Variants in ARFGEF1 observed in about 807,000 individuals in gnomAD.
ARFGEF1 encodes the protein brefeldin A-inhibited guanine nucleotide-exchange protein 1.
ARFGEF1 carries 42 observed loss-of-function variants against 231.0 expected under a neutral mutation model. The ratio of observed to expected loss-of-function variants is 0.18; its 90% confidence interval spans 0.14 to 0.24. The LOEUF (loss-of-function observed/expected upper bound fraction) is 0.24. Ranked by LOEUF, ARFGEF1 falls within the 10% of genes least tolerant of loss-of-function variation. The pLI is 1.00. For missense variants in ARFGEF1, 1,345 were observed against 2,192.0 expected (o/e 0.61, Z 7.72); for synonymous variants, 710 against 732.3 (o/e 0.97, Z 0.49).
chr8:67,317,096 A>G (rs1172303404), intron 1 of ARFGEF1, among the ~76,000 whole-genome samples: 1 of 152,226 alleles, frequency 6.6e-6, no homozygotes, highest in East Asian at 1.9e-4. Context: ...AGTGATACAC[A>G]TCAATGAGCT....
At chr8:67,343,042 G>A in intron 1 of ARFGEF1, 122 bp downstream of exon 1, 1 of 1,168,738 alleles carries the variant, frequency 8.6e-7, no homozygotes, top group Admixed American at 2.5e-5. Flanking sequence ...GGCTCCGCGA[G>A]GGCTTCCCGA....
chr8:67,208,435 G>C (rs531770219), intron 34 of ARFGEF1, among the ~76,000 whole-genome samples: 1 of 152,172 alleles, frequency 6.6e-6, no homozygotes, highest in East Asian at 1.9e-4. Flanking sequence ...TTTGAGACGA[G>C]CCTGGCCAAC....
At chr8:67,189,658 C>G (rs1301494906) in intron 5 of ARFGEF1, among the ~76,000 whole-genome samples, 1 of 151,982 alleles carries the variant, frequency 6.6e-6, no homozygotes, top group Admixed American at 6.6e-5. Context: ...AGTGTAGGAG[C>G]CAGTCCTTGT....
chr8:67,283,414 G>A (rs1805618852), intron 7 of ARFGEF1, among the ~76,000 whole-genome samples: 1 of 152,050 alleles, frequency 6.6e-6, no homozygotes, highest in African/African-American at 2.4e-5. Context: ...GGATGTGAAT[G>A]GATATAGTTT....
At chr8:67,219,267 A>G (rs1317431226) in intron 30 of ARFGEF1, among the ~76,000 whole-genome samples, 164 bp downstream of exon 30, 1 of 152,224 alleles carries the variant, frequency 6.6e-6, no homozygotes, top group Non-Finnish European at 1.5e-5. Context: ...GCGCCCAGCC[A>G]GTGTTCTTAT....
intron 34 of ARFGEF1, among the ~76,000 whole-genome samples, chr8:67,207,939 C>CCCTTTTT (rs1377471363): frequency 6.6e-5 from 10 of 152,154 alleles, no homozygotes; most frequent in African/African-American, 2.4e-4. Flanking sequence ...GAAAGCAGAG[C>CCCTTTTT]CCTTGCCCCA....
rs147133471 is a variant in ARFGEF1, at chr8:67,189,606, T to C, written c.560+10790A>G. On this transcript the variant is annotated intron_variant, in intron 5 of 5. Transcript: ENST00000518789. ...TATATGTTAAACAATGATAGTGTTG[T>C]ATAAATGTTAAATTTTCTGAATGTT... Among the ~76,000 whole-genome samples, 756 of 152,348 alleles carry C rather than the reference T, an allele frequency of 5.0e-3. 11 individuals carry two copies. The highest frequency in any genetic ancestry group is 0.018 in the African/African-American group (728 of 41,576).
downstream of ARFGEF1, among the ~76,000 whole-genome samples, chr8:67,194,879 G>A (rs1837490833): frequency 1.3e-5 from 2 of 152,100 alleles, no homozygotes; most frequent in Admixed American, 1.3e-4. Context: ...TTTAAGAATG[G>A]AAGTAATCTC....
intron 19 of ARFGEF1, among the ~76,000 whole-genome samples, chr8:67,244,241 T>A (rs1210899156): frequency 1.9e-4 from 3 of 15,888 alleles, no homozygotes; most frequent in African/African-American, 9.0e-4. Flanking sequence ...AGACTCCACC[T>A]CAAAAAAAAA....
At chr8:67,211,056 A>AC (rs1435300444) in intron 34 of ARFGEF1, among the ~76,000 whole-genome samples, 2 of 137,896 alleles carry the variant, frequency 1.5e-5, no homozygotes, top group African/African-American at 5.5e-5. Context: ...AAAAAAAAAA[A>AC]ACAAAAGTGG....
chr8:67,267,608 G>A lies in ARFGEF1; in HGVS notation c.1573-166C>T, dbSNP rs189814773. Reference sequence around the variant, plus strand: ...GAATCCTCAGGACTAAAATATCTTGGGTAAGTGACTTAAACTTGCCCTTCT... The same window carrying A: ...GAATCCTCAGGACTAAAATATCTTGAGTAAGTGACTTAAACTTGCCCTTCT... On this transcript the variant is annotated intron_variant, in intron 10 of 38. Transcript: ENST00000262215. Among the ~76,000 whole-genome samples, 7 of 152,138 alleles carry A rather than the reference G, an allele frequency of 4.6e-5. No homozygotes were observed. In the East Asian group the frequency reaches 1.3e-3, roughly 29 times the overall value.
chr8:67,193,379 T>C (rs946485957), downstream of ARFGEF1: 10 of 1,233,728 alleles, frequency 8.1e-6, 1 homozygote, highest in Middle Eastern at 3.9e-4. Flanking sequence ...TCACAGGTGA[T>C]AGGCACCATG....
intron 33 of ARFGEF1, among the ~76,000 whole-genome samples, chr8:67,215,287 A>T (rs1838887578): frequency 6.6e-6 from 1 of 152,080 alleles, no homozygotes; most frequent in Non-Finnish European, 1.5e-5. Flanking sequence ...TGATGCTGTA[A>T]TGAGTTTAGA....
intron 5 of ARFGEF1, among the ~76,000 whole-genome samples, chr8:67,190,460 CTACTT>C (rs1210768347): frequency 3.3e-5 from 5 of 152,086 alleles, no homozygotes; most frequent in African/African-American, 9.7e-5. Context: ...TGAAAATGTT[CTACTT>C]TAAAGTGATG....
chr8:67,321,758 C>A (rs1807609526), intron 1 of ARFGEF1, among the ~76,000 whole-genome samples: 1 of 152,174 alleles, frequency 6.6e-6, no homozygotes, highest in Non-Finnish European at 1.5e-5. Context: ...CCACACCCGG[C>A]CGAGAACTTC....
chr8:67,214,821 G>A (rs1838870378), intron 33 of ARFGEF1, among the ~76,000 whole-genome samples: 1 of 152,204 alleles, frequency 6.6e-6, no homozygotes, highest in Admixed American at 6.5e-5. Flanking sequence ...GAGGAAGGGA[G>A]GCTGAATTCT....
chr8:67,289,435 T>A (rs1805903661), intron 6 of ARFGEF1, among the ~76,000 whole-genome samples: 1 of 151,068 alleles, frequency 6.6e-6, no homozygotes, highest in South Asian at 2.1e-4. Context: ...CTGCCTATAG[T>A]CTTAGTTACT....
chr8:67,213,002 A>C (rs1016746589), intron 33 of ARFGEF1, among the ~76,000 whole-genome samples: 1 of 152,178 alleles, frequency 6.6e-6, no homozygotes, highest in African/African-American at 2.4e-5. Flanking sequence ...TTGTTTTCTC[A>C]ATTTTTCTCA....
At chr8:67,206,407 C>CT (rs1399444452) in intron 34 of ARFGEF1, among the ~76,000 whole-genome samples, 7 of 103,964 alleles carry the variant, frequency 6.7e-5, no homozygotes, top group Non-Finnish European at 9.4e-5. Flanking sequence ...CAGATTTTAT[C>CT]TTTAAAAAAA....
Sources: allele counts gnomAD v4.1 joint callset (sites outside exome capture counted in the v4.1 genomes callset), GRCh38; gene constraint gnomAD v4.1.1; transcripts MANE v1.5; gene names NCBI Gene and HGNC (gene_info 2026-07-23, HGNC 2026-07-21).